The following TTYH2 variants were observed in gnomAD, a reference collection of about 807,000 sequenced individuals.
TTYH2 encodes the protein tweety family member 2.
TTYH2 carries 49 observed loss-of-function variants against 68.3 expected under a neutral mutation model. The observed-to-expected ratio is 0.72, with a 90% CI of 0.57 to 0.91. The LOEUF is 0.91. TTYH2 is among the 40% of genes least tolerant of loss of function. TTYH2 has a pLI of 0.00. For synonymous variants in TTYH2, 272 were observed against 300.8 expected, an observed-to-expected ratio of 0.90 and a Z score of 0.99; for missense variants, 631 against 700.4, an observed-to-expected ratio of 0.90 and a Z score of 1.12.
chr17:74,248,959 G>A (rs868519953), intron 6 of TTYH2, 52 bp from the exon 7 acceptor site: 28 of 1,612,700 alleles, frequency 1.7e-5, no homozygotes, highest in Middle Eastern at 1.6e-4. Flanking sequence ...CCAGGGCCCC[G>A]CTGTCCTGAT....
chr17:74,223,153 G>A (rs559598455), intron 2 of TTYH2, among the ~76,000 whole-genome samples: 1 of 150,038 alleles, frequency 6.7e-6, no homozygotes, highest in South Asian at 2.1e-4. Context: ...CTGTTACCCA[G>A]GCTAGAGTGC....
chr17:74,256,929 A>G (rs35055885), intron 13 of TTYH2: 20,817 of 152,242 alleles, frequency 0.14, 1,471 homozygotes, highest in Non-Finnish European at 0.15. Flanking sequence ...GGTTACAGGC[A>G]TGAGCCACCA....
At chr17:74,248,746 T>C (rs1201035359) in intron 6 of TTYH2, 1 of 1,375,994 alleles carries the variant, frequency 7.3e-7, no homozygotes, top group Non-Finnish European at 9.4e-7. Flanking sequence ...TTCTGAGCAC[T>C]TTACTTGCAT....
chr17:74,224,472 A>T (rs1166205556), intron 2 of TTYH2, among the ~76,000 whole-genome samples: 6 of 152,348 alleles, frequency 3.9e-5, no homozygotes, highest in East Asian at 3.9e-4. Context: ...ATACTTTGGA[A>T]CAGTAAGAAT....
intron 3 of TTYH2, among the ~76,000 whole-genome samples, chr17:74,237,074 T>TA (rs199791489): frequency 0.018 from 2,713 of 152,066 alleles, 85 homozygotes; most frequent in African/African-American, 0.061. Context: ...TTTTTATATA[T>TA]TTTTTTGTAG....
chr17:74,259,029 AG>A (rs149741383), intron 13 of TTYH2, among the ~76,000 whole-genome samples: 3,592 of 152,136 alleles, frequency 0.024, 151 homozygotes, highest in African/African-American at 0.078. Context: ...ATCCCCAGGT[AG>A]CCTGTGTGCA....
chr17:74,244,474 C>T (rs1213053212), intron 6 of TTYH2, among the ~76,000 whole-genome samples: 1 of 152,214 alleles, frequency 6.6e-6, no homozygotes, highest in Non-Finnish European at 1.5e-5. Context: ...GCTTTGCCAG[C>T]TCCCCAGGCC....
chr17:74,223,698 G>T (rs572942532), intron 2 of TTYH2, among the ~76,000 whole-genome samples: 1 of 152,294 alleles, frequency 6.6e-6, no homozygotes, highest in Non-Finnish European at 1.5e-5. Context: ...AGCCTCTAGT[G>T]TCCACGCAGA....
chr17:74,215,711 T>C lies in TTYH2; in HGVS notation c.129+1995T>C. 6.5e-7 allele frequency: 1 copy of C among 1,533,876 alleles called. No individual in the cohort carries two copies. On this transcript the variant is annotated intron_variant, in intron 1 of 13. Coordinates refer to ENST00000269346, the MANE Select transcript of TTYH2 (RefSeq NM_032646.6). This position sits in a 1 kb window ranked among gnomAD's most constrained non-coding sequence, Gnocchi z 4.3. ...TGTTATTTAAGGTGGCTCCTGTTTT[T>C]GGTAAGTTCCCCTGTTGTGACCACA...
At chr17:74,235,174 C>T (rs1004411397) in intron 3 of TTYH2, among the ~76,000 whole-genome samples, 4 of 152,226 alleles carry the variant, frequency 2.6e-5, no homozygotes, top group African/African-American at 7.2e-5. Flanking sequence ...GAACTCCCAG[C>T]GTAGCGCAGA....
chr17:74,237,289 C>T lies in TTYH2; in HGVS notation c.415-5C>T, dbSNP rs1020585287. 52 of 1,613,798 alleles carry T rather than the reference C, an allele frequency of 3.2e-5. No individual in the cohort carries two copies. Among genetic ancestry groups the T allele is most frequent in the Non-Finnish European group, 4.2e-5 (50 of 1,179,898 alleles). ...CCATGGCTTTTGCCCCCTGCTCCTC[C>T]CTAGGTTTCCGGAACTACCCAGAAG... On this transcript the variant is annotated splice_polypyrimidine_tract_variant and splice_region_variant and intron_variant, in intron 3 of 13. Coordinates refer to ENST00000269346, the MANE Select transcript of TTYH2 (RefSeq NM_032646.6).
chr17:74,257,851 T>C lies in TTYH2; in HGVS notation c.1525-2278T>C, dbSNP rs995750580. ...TTATTATCATTCAAGTTGGGAAATA[T>C]TGCTTTAAGAAGGAGGGTCTTGGCC... is the stretch of plus-strand genomic sequence containing the variant. On this transcript the variant is annotated intron_variant, in intron 13 of 13. Transcript: ENST00000269346. Among the ~76,000 whole-genome samples, 12 of 152,240 alleles carry C rather than the reference T, an allele frequency of 7.9e-5. No individual in the cohort carries two copies. The East Asian group carries it at 1.7e-3, about 22-fold the overall frequency.
At position 74,232,853 on chromosome 17, in the gene TTYH2, C is replaced by T. The variant is rs1008435036; in HGVS notation, c.414+1854C>T. Among the ~76,000 whole-genome samples, 2 of 152,222 alleles carry T rather than the reference C, an allele frequency of 1.3e-5. No individual in the cohort carries two copies. The highest frequency in any genetic ancestry group is 4.8e-5 in the African/African-American group (2 of 41,470). ...TCCCTATCCCACAGGACGAGAGCTG[C>T]CAGGGAGGGGAGCTGGAACGGGCCC... On this transcript the variant is annotated intron_variant, in intron 3 of 13. Transcript: ENST00000269346. This position sits in a 1 kb window ranked among gnomAD's most constrained non-coding sequence, Gnocchi z 5.1.
chr17:74,232,181 G>A lies in TTYH2; in HGVS notation c.414+1182G>A, dbSNP rs572254594. On this transcript the variant is annotated intron_variant, in intron 3 of 13. Coordinates refer to ENST00000269346, the MANE Select transcript of TTYH2 (RefSeq NM_032646.6). This position sits in a 1 kb window ranked among gnomAD's most constrained non-coding sequence, Gnocchi z 5.1. The stretch of plus-strand genomic sequence containing the variant: ...GCCATTGCCCCGGCATCCTCCAGAA[G>A]AGGATTGGACCCCATTTGCCCCCCT... Among the ~76,000 whole-genome samples the A allele has an allele frequency of 1.3e-4, 20 of 152,216 alleles. No individual in the cohort carries two copies. Among genetic ancestry groups the A allele is most frequent in the Non-Finnish European group, 2.8e-4 (19 of 68,040 alleles).
intron 1 of TTYH2, among the ~76,000 whole-genome samples, chr17:74,218,187 G>T (rs573047525): frequency 6.7e-6 from 1 of 149,810 alleles, no homozygotes; most frequent in Non-Finnish European, 1.5e-5. Context: ...GGGGGAGGGG[G>T]GTGGGCTCCT....
chr17:74,220,210 C>T lies in TTYH2; in HGVS notation c.130-2275C>T, dbSNP rs534275924. 5.5e-4 allele frequency among the ~76,000 whole-genome samples: 84 copies of T among 152,240 alleles called. No homozygotes were observed. The Middle Eastern group carries it at 0.017, about 31-fold the overall frequency. ...AGAGGCCTCAGGGGCTGCCAAGGGG[C>T]GGCCAGGACAGAACGTGGCATTTCT... is the stretch of plus-strand genomic sequence containing the variant. On this transcript the variant is annotated intron_variant, in intron 1 of 13. Transcript: ENST00000269346.
At chr17:74,238,930 C>T (rs2050471655) in intron 4 of TTYH2, among the ~76,000 whole-genome samples, 3 of 151,420 alleles carry the variant, frequency 2.0e-5, no homozygotes, top group South Asian at 2.1e-4. Context: ...AGGCTGGTCT[C>T]AAACTCCTGG....
intron 6 of TTYH2, among the ~76,000 whole-genome samples, chr17:74,244,851 G>A (rs532175644): frequency 1.1e-3 from 142 of 132,594 alleles, no homozygotes; most frequent in Non-Finnish European, 1.6e-3. Flanking sequence ...TACAGTGGAG[G>A]TGCAGTGTGT....
rs1421031429 is a variant in TTYH2, at chr17:74,232,742, G to A, written c.414+1743G>A. Among the ~76,000 whole-genome samples the A allele has an allele frequency of 6.6e-6, 1 of 152,158 alleles. No individual in the cohort carries two copies. The highest frequency in any genetic ancestry group is 1.5e-5 in the Non-Finnish European group (1 of 68,022). On this transcript the variant is annotated intron_variant, in intron 3 of 13. Coordinates refer to ENST00000269346, the MANE Select transcript of TTYH2 (RefSeq NM_032646.6). This position sits in a 1 kb window ranked among gnomAD's most constrained non-coding sequence, Gnocchi z 5.1. ...CCCCGAGAGGAAAATCCCCTGCCCT[G>A]CCCAGGAAGGCACCAGGGCCATGAC...
Sources: gnomAD v4.1 joint callset for allele counts (sites outside exome capture counted in the v4.1 genomes callset) on GRCh38, gnomAD v4.1.1 for gene constraint, Gnocchi (gnomAD v3.1) non-coding constraint, MANE v1.5 for transcripts, NCBI Gene and HGNC (gene_info 2026-07-23, HGNC 2026-07-21) for gene names.